Variants in ADGRD1 observed in about 807,000 individuals in gnomAD.
ADGRD1 encodes G-protein coupled receptor 133.
In ADGRD1, 77 loss-of-function variants were observed where a neutral mutation model predicts 113.4. That is an observed-to-expected ratio of 0.68 (90% CI 0.57 to 0.82). The LOEUF (loss-of-function observed/expected upper bound fraction) is 0.82, where lower values mean the gene tolerates loss of function less well. ADGRD1 is among the 40% of genes least tolerant of loss of function. ADGRD1 has a pLI of 0.00. For missense variants in ADGRD1, 1,036 were observed against 1,139.1 expected, an observed-to-expected ratio of 0.91 and a Z score of 1.30; for synonymous variants, 474 against 475.0, an observed-to-expected ratio of 1.00 and a Z score of 0.03.
At chr12:130,990,737 T>C (rs1029122962) in intron 6 of ADGRD1, 1 of 324,790 alleles carries the variant, frequency 3.1e-6, no homozygotes, top group Non-Finnish European at 5.6e-6. Context: ...AATCCTTGTA[T>C]AAAATCATCT....
chr12:131,097,233 C>T (rs1482732012), intron 15 of ADGRD1, among the ~76,000 whole-genome samples: 1 of 152,162 alleles, frequency 6.6e-6, no homozygotes, highest in Non-Finnish European at 1.5e-5. Context: ...GGGGAGACAG[C>T]AGGAGCCCCC....
intron 4 of ADGRD1, 55 bp from the exon 5 acceptor site, chr12:130,981,829 C>T (rs1282218753): frequency 1.2e-5 from 14 of 1,207,708 alleles, no homozygotes; most frequent in African/African-American, 7.6e-5. Flanking sequence ...CATGTGCTTG[C>T]GAGAAGTCAA....
intron 4 of ADGRD1, among the ~76,000 whole-genome samples, chr12:130,975,405 A>G (rs1872196382): frequency 6.6e-6 from 1 of 152,140 alleles, no homozygotes; most frequent in Non-Finnish European, 1.5e-5. Flanking sequence ...CACACCATAG[A>G]TACTGCACAC....
chr12:130,990,480 C>T (rs1219938035), intron 6 of ADGRD1: 1 of 152,634 alleles, frequency 6.6e-6, no homozygotes, highest in Non-Finnish European at 1.5e-5. Context: ...AATAATTCAT[C>T]ATTAACCCCA....
intron 12 of ADGRD1, among the ~76,000 whole-genome samples, chr12:131,012,131 C>T (rs1032709920): frequency 6.6e-6 from 1 of 152,030 alleles, no homozygotes; most frequent in East Asian, 1.9e-4. Flanking sequence ...TGTTTATGTA[C>T]GTTCTGTACG....
chr12:130,978,410 T>C (rs1449407290), intron 4 of ADGRD1: 1 of 152,222 alleles, frequency 6.6e-6, no homozygotes, highest in African/African-American at 2.4e-5. Context: ...ATTCAGTGCT[T>C]ATAACAAGAA....
chr12:131,114,004 C>T (rs1254394104), intron 18 of ADGRD1, among the ~76,000 whole-genome samples: 1 of 152,188 alleles, frequency 6.6e-6, no homozygotes, highest in African/African-American at 2.4e-5. Flanking sequence ...CACACACACG[C>T]ACACACACTC....
chr12:131,003,278 G>A lies in ADGRD1; in HGVS notation c.1120G>A (p.Val374Met), dbSNP rs747288448. Reference protein sequence around the residue: ...NLHGSTPQVTVEGSSAMAEFS... With the variant: ...NLHGSTPQVTMEGSSAMAEFS... ...GCACGGCAGCACGCCCCAGGTCACC[G>A]TGGAGGGCTCCTCTGCCATGGCAGG... The change falls in exon 10 of 25, where the codon GTG becomes ATG. Residue 374 changes from valine to methionine, a missense_variant. Transcript: ENST00000261654. The surrounding 1 kb of genome is among the most constrained non-coding windows in gnomAD (Gnocchi z 4.8). The A allele has an allele frequency of 3.1e-5, 50 of 1,613,534 alleles. No homozygotes were observed. Among genetic ancestry groups the A allele is most frequent in the South Asian group, 7.7e-5 (7 of 91,068 alleles).
At chr12:131,091,079 C>G (rs375274727) in intron 15 of ADGRD1, among the ~76,000 whole-genome samples, 3 of 152,248 alleles carry the variant, frequency 2.0e-5, no homozygotes, top group African/African-American at 7.2e-5. Context: ...CCCAACTGCT[C>G]CACTCCCCAG....
At chr12:131,016,400 T>C (rs1340849989) in intron 13 of ADGRD1, among the ~76,000 whole-genome samples, 2 of 152,222 alleles carry the variant, frequency 1.3e-5, no homozygotes, top group African/African-American at 4.8e-5. Context: ...GTTGTGCAGT[T>C]GACATTTGTG....
intron 21 of ADGRD1, among the ~76,000 whole-genome samples, chr12:131,134,308 G>T (rs939962790): frequency 6.6e-6 from 1 of 152,206 alleles, no homozygotes; most frequent in Non-Finnish European, 1.5e-5. Flanking sequence ...GCCTCCTTCA[G>T]ATCCAGGGAC....
intron 3 of ADGRD1, chr12:130,967,129 T>A (rs552686078): frequency 2.4e-5 from 10 of 425,254 alleles, no homozygotes; most frequent in African/African-American, 1.8e-4. Flanking sequence ...CAGGGGCCTA[T>A]TGATGAAGCA....
At chr12:130,970,667 G>A (rs962300042) in intron 3 of ADGRD1, 25 of 152,148 alleles carry the variant, frequency 1.6e-4, no homozygotes, top group African/African-American at 5.8e-4. Context: ...AATCCTACTC[G>A]CTCCTGATTT....
At chr12:131,055,716 A>G (rs981892136) in intron 13 of ADGRD1, among the ~76,000 whole-genome samples, 1 of 152,246 alleles carries the variant, frequency 6.6e-6, no homozygotes. Flanking sequence ...AAACTGTGAG[A>G]CAAAGCAGAC....
At chr12:131,091,120 C>T (rs960971039) in intron 15 of ADGRD1, among the ~76,000 whole-genome samples, 34 of 152,102 alleles carry the variant, frequency 2.2e-4, no homozygotes, top group African/African-American at 8.0e-4. Flanking sequence ...AAATTAGCAA[C>T]CCCAGATCCA....
chr12:130,980,325 C>T (rs1379986792), intron 4 of ADGRD1, among the ~76,000 whole-genome samples: 3 of 151,846 alleles, frequency 2.0e-5, no homozygotes, highest in Admixed American at 6.6e-5. Context: ...AAGATGGTCT[C>T]GATCTCCTGA....
At chr12:131,118,149 T>G (rs1331110443) in intron 18 of ADGRD1, among the ~76,000 whole-genome samples, 1 of 152,272 alleles carries the variant, frequency 6.6e-6, no homozygotes, top group Non-Finnish European at 1.5e-5. Flanking sequence ...CTTTGTTGTC[T>G]AGTACAGAAG....
intron 11 of ADGRD1, among the ~76,000 whole-genome samples, chr12:131,004,855 C>A (rs1460720627): frequency 6.6e-6 from 1 of 152,184 alleles, no homozygotes; most frequent in Non-Finnish European, 1.5e-5. Context: ...CTGTTGGGAG[C>A]CCAGATGGCC....
At chr12:131,082,374 T>C (rs1237468161) in intron 14 of ADGRD1, among the ~76,000 whole-genome samples, 2 of 152,228 alleles carry the variant, frequency 1.3e-5, no homozygotes, top group Non-Finnish European at 2.9e-5. Context: ...GCCTGCCTCT[T>C]TGTTTTCGCT....
Sources: allele counts gnomAD v4.1 joint callset (sites outside exome capture counted in the v4.1 genomes callset), GRCh38; gene constraint gnomAD v4.1.1; non-coding constraint Gnocchi (gnomAD v3.1); transcripts MANE v1.5; gene names NCBI Gene and HGNC (gene_info 2026-07-23, HGNC 2026-07-21).